Variants in P4HB observed in about 807,000 individuals in gnomAD.
P4HB encodes protein disulfide-isomerase.
In P4HB, 20 loss-of-function variants were observed where a neutral mutation model predicts 52.6. That is an observed-to-expected ratio of 0.38 (90% CI 0.27 to 0.55). The LOEUF (loss-of-function observed/expected upper bound fraction) is 0.55, where lower values mean the gene tolerates loss of function less well. Among genes scored for constraint, P4HB ranks in the 20% least tolerant of loss-of-function variants. P4HB has a pLI of 0.74. For synonymous variants in P4HB, 296 were observed against 277.9 expected, an observed-to-expected ratio of 1.07 and a Z score of -0.65; for missense variants, 601 against 669.2, an observed-to-expected ratio of 0.90 and a Z score of 1.12.
intron 9 of P4HB, 114 bp downstream of exon 9, chr17:81,845,447 G>A (rs2038718886): frequency 2.8e-6 from 3 of 1,085,430 alleles, no homozygotes; most frequent in Non-Finnish European, 3.9e-6. Flanking sequence ...AGCTCCCACA[G>A]CTCTTCTCCC....
chr17:81,848,756 A>T (rs966732045), intron 4 of P4HB, among the ~76,000 whole-genome samples: 1 of 147,496 alleles, frequency 6.8e-6, no homozygotes, highest in Non-Finnish European at 1.5e-5. Context: ...AAAAAAAAAA[A>T]AAAAAAGGCC....
chr17:81,851,807 C>T (rs374385069), intron 4 of P4HB, among the ~76,000 whole-genome samples: 5 of 152,198 alleles, frequency 3.3e-5, no homozygotes, highest in African/African-American at 7.2e-5. Flanking sequence ...CGGTCTACTG[C>T]GGTAAGGGAA....
At chr17:81,851,270 G>A (rs35867105) in intron 4 of P4HB, among the ~76,000 whole-genome samples, 22,880 of 152,150 alleles carry the variant, frequency 0.15, 2,017 homozygotes, top group Non-Finnish European at 0.18. Flanking sequence ...AATAAATCAC[G>A]CATCCTTTCT....
chr17:81,844,439 G>A (rs2038701797), intron 10 of P4HB, among the ~76,000 whole-genome samples: 2 of 152,188 alleles, frequency 1.3e-5, no homozygotes, highest in Non-Finnish European at 2.9e-5. Context: ...CATCTCGGCA[G>A]GGACAACAGC....
intron 10 of P4HB, 31 bp from the exon 11 acceptor site, chr17:81,844,123 A>C: frequency 6.6e-7 from 1 of 1,505,398 alleles, no homozygotes; most frequent in Non-Finnish European, 9.2e-7. Context: ...CGGGGCGGGC[A>C]GGTTGGCTGC....
intron 2 of P4HB, 123 bp downstream of exon 2, chr17:81,859,058 A>C: frequency 3.7e-6 from 3 of 803,342 alleles, no homozygotes; most frequent in Non-Finnish European, 4.2e-6. Context: ...GGCCTGAGGA[A>C]CGGGATCCCT....
Position 81,855,748 on chromosome 17 carries a change from G to A in P4HB, c.353-162C>T, listed in dbSNP as rs183624370. On this transcript the variant is annotated intron_variant, in intron 2 of 10. Transcript: ENST00000331483. The surrounding 1 kb of genome is among the most constrained non-coding windows in gnomAD (Gnocchi z 4.3). ...GGAAGAGGCCCGGTGCCGTCCGCCC[G>A]CCTCCTAAACCCCAGTGTACGTGAG... The A allele has an allele frequency of 1.6e-5, 12 of 734,776 alleles. No individual in the cohort carries two copies. The highest frequency in any genetic ancestry group is 6.0e-5 in the Admixed American group (2 of 33,242). 45.5% of individuals were successfully genotyped at this position (734,776 alleles called of 1,614,324 possible).
chr17:81,855,883 C>T lies in P4HB; in HGVS notation c.353-297G>A, dbSNP rs2038906022. ...CTGATCTCTCTGCATTTTCTTTTTTCTTTTGACACAGGGGCTCACTCTGTT... is the reference window on the plus strand; with the variant it reads ...CTGATCTCTCTGCATTTTCTTTTTTTTTTTGACACAGGGGCTCACTCTGTT... On this transcript the variant is annotated intron_variant, in intron 2 of 10. Coordinates refer to ENST00000331483, the MANE Select transcript of P4HB (RefSeq NM_000918.4). This position sits in a 1 kb window ranked among gnomAD's most constrained non-coding sequence, Gnocchi z 4.3. 3 of 330,990 alleles carry T rather than the reference C, an allele frequency of 9.1e-6. No homozygotes were observed. Among genetic ancestry groups the T allele is most frequent in the Non-Finnish European group, 1.7e-5 (3 of 180,702 alleles). 20.5% of individuals were successfully genotyped at this position (330,990 alleles called of 1,614,324 possible). A position where few individuals can be genotyped will look rare whatever the true frequency, so the allele number is the denominator to read the frequency against.
At position 81,847,249 on chromosome 17, in the gene P4HB, G is replaced by C; in HGVS notation, c.723C>G (p.Thr241=). ...HNQLPLVIEF[T]EQTAPKIFGG... ...GGCTGCAGGGCAGCCGCACCTGCTC[G>C]GTGAACTCGATGACAAGGGGCAGCT... Residue 241 remains threonine (T), a synonymous_variant, in exon 5 of 11, where the codon ACC becomes ACG. Coordinates refer to ENST00000331483, the MANE Select transcript of P4HB (RefSeq NM_000918.4). 1 of 1,613,760 alleles carries C rather than the reference G, an allele frequency of 6.2e-7. No homozygotes were observed. Among genetic ancestry groups the C allele is most frequent in the East Asian group, 2.2e-5 (1 of 44,884 alleles).
chr17:81,845,333 G>A, intron 9 of P4HB, 103 bp from the exon 10 acceptor site: 1 of 1,024,160 alleles, frequency 9.8e-7, no homozygotes, highest in Non-Finnish European at 1.5e-6. Context: ...GCCCGGTCCG[G>A]TGGCTCACAC....
In P4HB at chr17:81,843,599, G is replaced by T. The variant is rs2038686278; in HGVS notation, c.*413C>A. 4.5e-6 allele frequency: 2 copies of T among 448,310 alleles called. No individual in the cohort carries two copies. The highest frequency in any genetic ancestry group is 3.8e-5 in the Admixed American group (1 of 25,988). The allele number at this position is 448,310 out of a possible 1,614,324, so 27.8% of individuals were successfully genotyped here. A position where few individuals can be genotyped will look rare whatever the true frequency, so the allele number is the denominator to read the frequency against. On this transcript the variant is annotated 3_prime_UTR_variant, in exon 11 of 11. Transcript: ENST00000331483. ...ACGGGGGACAAGCTTCTCCGAGGAG[G>T]CCTGGCCAAGGTGGAACAAATACCC...
At chr17:81,851,000 G>A (rs1432824413) in intron 4 of P4HB, among the ~76,000 whole-genome samples, 4 of 151,206 alleles carry the variant, frequency 2.6e-5, no homozygotes, top group Admixed American at 1.3e-4. Context: ...GGTGCTTCTC[G>A]GCTCACTGCA....
chr17:81,859,466 TC>T (rs2038963371), intron 1 of P4HB, 79 bp from the exon 2 acceptor site: 6 of 1,241,518 alleles, frequency 4.8e-6, no homozygotes, highest in Non-Finnish European at 7.0e-6. Flanking sequence ...CTTCCCTTTT[TC>T]CTCTGGCATT....
In P4HB at chr17:81,859,440, TG is replaced by T. The variant is rs200478945; in HGVS notation, c.146-54del. 1.4e-3 allele frequency: 2,170 copies of T among 1,507,492 alleles called. 45 individuals carry two copies. The East Asian group carries it at 0.038, about 27-fold the overall frequency. The allele number at this position is 1,507,492 out of a possible 1,614,324, so 93.4% of individuals were successfully genotyped here. A position where few individuals can be genotyped will look rare whatever the true frequency, so the allele number is the denominator to read the frequency against. The stretch of plus-strand genomic sequence containing the variant: ...GCAGCCTTGATCCCTAAAGCAGCCT[TG>T]ATCCCTCAGCAGTGCTTCCCTTTTT... On this transcript the variant is annotated intron_variant, in intron 1 of 10. Coordinates refer to ENST00000331483, the MANE Select transcript of P4HB (RefSeq NM_000918.4).
chr17:81,860,132 C>A (rs1256736362), intron 1 of P4HB, 195 bp downstream of exon 1: 5 of 424,362 alleles, frequency 1.2e-5, no homozygotes, highest in Non-Finnish European at 2.0e-5. Flanking sequence ...GGCATCGGGA[C>A]GGCCCCCCGG....
Position 81,846,898 on chromosome 17 carries a change from G to A in P4HB, c.855+49C>T, listed in dbSNP as rs1053302837. ...CACACTTGTCACCTCGGGAAGAGTT[G>A]TACTGCTCCCTGGCACCGCCCCACG... On this transcript the variant is annotated intron_variant, in intron 6 of 10. Coordinates refer to ENST00000331483, the MANE Select transcript of P4HB (RefSeq NM_000918.4). This position sits in a 1 kb window ranked among gnomAD's most constrained non-coding sequence, Gnocchi z 5.7. 1.2e-6 allele frequency: 2 copies of A among 1,609,198 alleles called. No homozygotes were observed. The highest frequency in any genetic ancestry group is 1.7e-6 in the Non-Finnish European group (2 of 1,177,714).
intron 1 of P4HB, chr17:81,860,115 C>T (rs2038975177): frequency 4.9e-6 from 2 of 407,408 alleles, no homozygotes; most frequent in African/African-American, 2.1e-5. Context: ...CTGCCGTGCG[C>T]AGGGCGGGCA....
At chr17:81,849,231 A>T (rs1024635674) in intron 4 of P4HB, among the ~76,000 whole-genome samples, 4 of 151,954 alleles carry the variant, frequency 2.6e-5, no homozygotes, top group African/African-American at 4.8e-5. Flanking sequence ...GTGGTGGCTC[A>T]CGCCTGTAAT....
At chr17:81,849,365 G>A (rs999497568) in intron 4 of P4HB, among the ~76,000 whole-genome samples, 3 of 147,822 alleles carry the variant, frequency 2.0e-5, no homozygotes, top group Admixed American at 1.3e-4. Context: ...GCGTGGTGGC[G>A]GGTGCCTGTA....
Sources: gnomAD v4.1 joint callset for allele counts (sites outside exome capture counted in the v4.1 genomes callset) on GRCh38, gnomAD v4.1.1 for gene constraint, Gnocchi (gnomAD v3.1) non-coding constraint, MANE v1.5 for transcripts, NCBI Gene and HGNC (gene_info 2026-07-23, HGNC 2026-07-21) for gene names.